MTSS1: variants seen among roughly 807,000 people sequenced by gnomAD.
MTSS1 encodes protein MTSS 1.
A neutral mutation model predicts 79.0 loss-of-function variants in MTSS1; 18 were observed. That is an observed-to-expected ratio of 0.23 (90% confidence interval 0.16 to 0.34). The LOEUF (loss-of-function observed/expected upper bound fraction) is 0.34, where lower values mean the gene tolerates loss of function less well. Among genes scored for constraint, MTSS1 ranks in the 10% least tolerant of loss-of-function variants. The pLI, the probability that MTSS1 is intolerant of heterozygous loss-of-function variation, is 1.00. For missense variants in MTSS1, 815 were observed against 986.2 expected (o/e 0.83, Z 2.33); for synonymous variants, 341 against 368.6 (o/e 0.93, Z 0.86).
chr8:124,643,885 A>C (rs112121124), intron 3 of MTSS1, among the ~76,000 whole-genome samples: 1 of 152,114 alleles, frequency 6.6e-6, no homozygotes, highest in Non-Finnish European at 1.5e-5. Flanking sequence ...ATGTTGTCAG[A>C]GAATTGTTTG....
intron 3 of MTSS1, among the ~76,000 whole-genome samples, chr8:124,645,272 C>T (rs1818798523): frequency 6.6e-6 from 1 of 152,024 alleles, no homozygotes; most frequent in South Asian, 2.1e-4. Context: ...CACCTGTAGT[C>T]CTAGTAGCTA....
intron 5 of MTSS1, among the ~76,000 whole-genome samples, chr8:124,587,385 G>C (rs1003141848): frequency 6.6e-6 from 1 of 152,158 alleles, no homozygotes; most frequent in Non-Finnish European, 1.5e-5. Flanking sequence ...GATAAATCCC[G>C]TGAGCCTAAG....
chr8:124,687,967 C>T (rs559668624), intron 3 of MTSS1, among the ~76,000 whole-genome samples: 10 of 152,112 alleles, frequency 6.6e-5, no homozygotes, highest in African/African-American at 2.4e-4. Context: ...CTGTGAAATG[C>T]GCTCAAATGC....
intron 5 of MTSS1, among the ~76,000 whole-genome samples, chr8:124,586,467 C>T (rs2132560855): frequency 6.6e-6 from 1 of 152,298 alleles, no homozygotes; most frequent in South Asian, 2.1e-4. Context: ...CCTCTCCAAC[C>T]TCTGGGGCTC....
At chr8:124,575,571 G>GAT (rs1554646268) in intron 6 of MTSS1, among the ~76,000 whole-genome samples, 4 of 151,616 alleles carry the variant, frequency 2.6e-5, no homozygotes, top group Non-Finnish European at 4.4e-5. Context: ...GGTAGGGTGG[G>GAT]TTTTTTGTTG....
intron 3 of MTSS1, among the ~76,000 whole-genome samples, chr8:124,675,734 A>G (rs1005903862): frequency 6.6e-6 from 1 of 152,192 alleles, no homozygotes; most frequent in African/African-American, 2.4e-5. Context: ...AGCATTCCCC[A>G]TAAGTGGAAT....
chr8:124,662,153 G>A (rs1822169406), intron 3 of MTSS1, among the ~76,000 whole-genome samples: 1 of 152,086 alleles, frequency 6.6e-6, no homozygotes, highest in African/African-American at 2.4e-5. Flanking sequence ...CCTGCTTGGT[G>A]AGCTATGTTC....
At chr8:124,555,402 C>T (rs907732534) in intron 13 of MTSS1, among the ~76,000 whole-genome samples, 2 of 152,146 alleles carry the variant, frequency 1.3e-5, no homozygotes, top group African/African-American at 4.8e-5. Context: ...CCTGCCACCA[C>T]GCCCGGCTAA....
intron 2 of MTSS1, among the ~76,000 whole-genome samples, chr8:124,699,845 CT>C (rs1829449501): frequency 6.6e-6 from 1 of 152,176 alleles, no homozygotes; most frequent in Non-Finnish European, 1.5e-5. Flanking sequence ...TTTCATCTGA[CT>C]GTATAAAACC....
chr8:124,671,342 G>A (rs917128761), intron 3 of MTSS1, among the ~76,000 whole-genome samples: 1 of 152,038 alleles, frequency 6.6e-6, no homozygotes, highest in African/African-American at 2.4e-5. Flanking sequence ...TCATGCATGG[G>A]TACCAAGCTG....
At chr8:124,607,325 T>C (rs1489093866) in intron 3 of MTSS1, among the ~76,000 whole-genome samples, 2 of 152,230 alleles carry the variant, frequency 1.3e-5, no homozygotes, top group Non-Finnish European at 2.9e-5. Context: ...CTGCAGTTGA[T>C]TTCCCGGCCA....
At chr8:124,642,742 G>A (rs1173893612) in intron 3 of MTSS1, among the ~76,000 whole-genome samples, 1 of 152,100 alleles carries the variant, frequency 6.6e-6, no homozygotes, top group African/African-American at 2.4e-5. Flanking sequence ...ACAGGTGCAT[G>A]CCACCACGCC....
intron 3 of MTSS1, among the ~76,000 whole-genome samples, chr8:124,629,065 G>A (rs1353630296): frequency 6.6e-6 from 1 of 152,186 alleles, no homozygotes; most frequent in Admixed American, 6.5e-5. Flanking sequence ...GCCAGGCCTA[G>A]GCCTAAGCTC....
chr8:124,725,777 A>G (rs1470549260), intron 1 of MTSS1, among the ~76,000 whole-genome samples: 2 of 152,208 alleles, frequency 1.3e-5, no homozygotes, highest in African/African-American at 2.4e-5. Flanking sequence ...TGTCACTGTC[A>G]TCTAATCCAT....
At chr8:124,690,785 C>T (rs886823398) in intron 3 of MTSS1, among the ~76,000 whole-genome samples, 1 of 152,122 alleles carries the variant, frequency 6.6e-6, no homozygotes, top group African/African-American at 2.4e-5. Flanking sequence ...TACGTACTTG[C>T]CCGTCAAAAT....
intron 3 of MTSS1, among the ~76,000 whole-genome samples, chr8:124,648,513 G>A (rs1325964987): frequency 6.6e-6 from 1 of 152,042 alleles, no homozygotes; most frequent in Non-Finnish European, 1.5e-5. Context: ...GCCCATCACA[G>A]CTCCTTAGTA....
At chr8:124,590,966 T>G (rs1172175373) in intron 4 of MTSS1, among the ~76,000 whole-genome samples, 185 bp downstream of exon 4, 1 of 152,202 alleles carries the variant, frequency 6.6e-6, no homozygotes, top group Non-Finnish European at 1.5e-5. Flanking sequence ...TGGCTGGTGA[T>G]CTGCTGCACC....
rs142779208 is a variant in MTSS1, at chr8:124,599,020, G to T, written c.209-7785C>A. 1.2e-3 allele frequency among the ~76,000 whole-genome samples: 184 copies of T among 152,298 alleles called. 1 individual carries two copies. Among genetic ancestry groups the T allele is most frequent in the African/African-American group, 4.0e-3 (167 of 41,570 alleles). On this transcript the variant is annotated intron_variant, in intron 3 of 13. Transcript: ENST00000518547. Reference sequence around the variant, plus strand: ...CCAGCAATAAACAGCCAGCCCCAAAGTGTCCCTGAAGATGTCTACAAAACA... The same window carrying T: ...CCAGCAATAAACAGCCAGCCCCAAATTGTCCCTGAAGATGTCTACAAAACA...
intron 3 of MTSS1, chr8:124,699,298 C>G: frequency 1.9e-6 from 1 of 528,580 alleles, no homozygotes; most frequent in Non-Finnish European, 3.4e-6. Flanking sequence ...CGTGCAGAAA[C>G]AGTGGTTCAT....
Sources: gnomAD v4.1 joint callset for allele counts (sites outside exome capture counted in the v4.1 genomes callset) on GRCh38, gnomAD v4.1.1 for gene constraint, MANE v1.5 for transcripts, NCBI Gene and HGNC (gene_info 2026-07-23, HGNC 2026-07-21) for gene names.